Variants in FOXO4 observed in about 807,000 individuals in gnomAD.
FOXO4 encodes the protein forkhead box O4.
FOXO4 carries 3 observed loss-of-function variants against 20.8 expected under a neutral mutation model. The ratio of observed to expected loss-of-function variants is 0.14; its 90% CI spans 0.07 to 0.37. The LOEUF is 0.37. Ranked by LOEUF, FOXO4 falls within the 10% of genes least tolerant of loss-of-function variation. The pLI is 1.00. For missense variants in FOXO4, 309 were observed against 431.9 expected (o/e 0.72, Z 2.52); for synonymous variants, 158 against 180.0 (o/e 0.88, Z 0.98).
rs377425905 is a variant in FOXO4 at position 71,095,930 on chromosome X, G to A, written c.-599G>A. 1.1e-5 allele frequency among the ~76,000 whole-genome samples: 1 copy of A among 91,209 alleles called. No homozygotes were observed. The highest frequency in any genetic ancestry group is 3.9e-5 in the African/African-American group (1 of 25,575). The allele number at this position is 91,209 out of a possible 115,157, so 79.2% of individuals were successfully genotyped here. A position where few individuals can be genotyped will look rare whatever the true frequency, so the allele number is the denominator to read the frequency against. On this transcript the variant is annotated 5_prime_UTR_variant, in exon 1 of 3. Coordinates refer to ENST00000374259, the MANE Select transcript of FOXO4 (RefSeq NM_005938.4). ...TTGGAGCAAAACAAAAGGGAAACCC[G>A]GGGGGCGGGGGGTGGGGGGGGTTGA...
At position 71,096,197 on chromosome X, in the gene FOXO4, CA is replaced by C. The variant is rs761200564; in HGVS notation, c.-330del. On this transcript the variant is annotated 5_prime_UTR_variant, in exon 1 of 3. An upstream open reading frame in the 5' UTR gains an earlier in-frame stop. Coordinates refer to ENST00000374259, the MANE Select transcript of FOXO4 (RefSeq NM_005938.4). ...AAGGAGACGTTCGGTGATGGGAGCG[CA>C]ATATATGAGGGGATACAGTGCCTCA... is the stretch of plus-strand genomic sequence containing the variant. 3.6e-6 allele frequency: 1 copy of C among 277,409 alleles called. No homozygotes were observed. Among genetic ancestry groups the C allele is most frequent in the African/African-American group, 2.8e-5 (1 of 35,793 alleles). 22.9% of individuals were successfully genotyped at this position (277,409 alleles called of 1,213,427 possible).
Position 71,102,136 on chromosome X carries a change from C to G in FOXO4, c.*52C>G. On this transcript the variant is annotated 3_prime_UTR_variant, in exon 3 of 3. Coordinates refer to ENST00000374259, the MANE Select transcript of FOXO4 (RefSeq NM_005938.4). ...CTTCAGATGTGGAGCCAGGCGTGTT[C>G]ATATCTACTCTTTACCCTTGAGCCC... 8.6e-7 allele frequency: 1 copy of G among 1,164,587 alleles called. No homozygotes were observed. The highest frequency in any genetic ancestry group is 1.8e-5 in the South Asian group (1 of 54,697).
intron 1 of FOXO4, chrX:71,099,229 C>A (rs2092224769): frequency 1.8e-5 from 2 of 111,861 alleles, no homozygotes; most frequent in Non-Finnish European, 3.8e-5. Context: ...CCTTGTGTAA[C>A]TAGCCTGCCC....
At position 71,102,192 on chromosome X, in the gene FOXO4, C is replaced by T; in HGVS notation, c.*108C>T. 1 of 816,914 alleles carries T rather than the reference C, an allele frequency of 1.2e-6. No individual in the cohort carries two copies. Among genetic ancestry groups the T allele is most frequent in the Non-Finnish European group, 1.8e-6 (1 of 550,955 alleles). The allele number at this position is 816,914 out of a possible 1,213,427, so 67.3% of individuals were successfully genotyped here. A position where few individuals can be genotyped will look rare whatever the true frequency, so the allele number is the denominator to read the frequency against. On this transcript the variant is annotated 3_prime_UTR_variant, in exon 3 of 3. Coordinates refer to ENST00000374259, the MANE Select transcript of FOXO4 (RefSeq NM_005938.4). ...AGGAATTTGGGACCCTGCTTTAGAGCTAGGGTGGGGTCTGGTCACACACAG... is the reference window on the plus strand; with the variant it reads ...AGGAATTTGGGACCCTGCTTTAGAGTTAGGGTGGGGTCTGGTCACACACAG...
chrX:71,098,429 C>T (rs779024333), intron 1 of FOXO4, among the ~76,000 whole-genome samples: 10 of 111,718 alleles, frequency 9.0e-5, no homozygotes, highest in Non-Finnish European at 1.9e-4. Context: ...GACTTCAAGG[C>T]CCCCCCACCC....
At position 71,100,840 on chromosome X, in the gene FOXO4, C is replaced by G. The variant is rs1041103345; in HGVS notation, c.610C>G (p.Leu204Val). Residue 204 changes from leucine to valine, a missense_variant, in exon 2 of 3, where the codon CTG (leucine) becomes GTG (valine). By Grantham distance (32) the Leu-to-Val change is conservative (BLOSUM62 1). This residue lies in a region of FOXO4 where 223 missense variants were observed against 302.7 expected (regional missense o/e 0.74). Transcript: ENST00000374259. ...CGCCTCCATGGATAGCAGCAGCAAG[C>G]TGCTCCGGGGCCGCAGTAAAGCCCC... Reference protein sequence around the residue: ...RAASMDSSSKLLRGRSKAPKK... With the variant: ...RAASMDSSSKVLRGRSKAPKK... The G allele has an allele frequency of 2.5e-6, 3 of 1,209,460 alleles. No homozygotes were observed. In the African/African-American group the frequency reaches 5.2e-5, roughly 21 times the overall value.
At position 71,101,205 on chromosome X, in the gene FOXO4, T is replaced by C. The variant is rs1382753413; in HGVS notation, c.975T>C (p.Ser325=). The change falls in exon 2 of 3, where the codon TCT becomes TCC. Residue 325 remains serine, a synonymous_variant. Transcript: ENST00000374259. ...SHSLLSRSGL[S]GFSLQHPGVT... ...CCCTGCTATCTCGGAGTGGTCTCTC[T>C]GGCTTCTCTTTGCAGCATCCTGGGG... is the stretch of plus-strand genomic sequence containing the variant. The C allele has an allele frequency of 1.7e-6, 2 of 1,211,728 alleles. No individual in the cohort carries two copies. Among genetic ancestry groups the C allele is most frequent in the Non-Finnish European group, 2.2e-6 (2 of 895,451 alleles).
intron 2 of FOXO4, 127 bp from the exon 3 acceptor site, chrX:71,101,950 A>G (rs1381991577): frequency 3.3e-5 from 27 of 825,901 alleles, no homozygotes; most frequent in Non-Finnish European, 4.6e-5. Flanking sequence ...GCAAGGTAGC[A>G]CAGAAAAGGT....
Position 71,103,447 on chromosome X carries a change from C to T in FOXO4, c.*1363C>T, listed in dbSNP as rs766125604. 2.4e-4 allele frequency: 39 copies of T among 160,480 alleles called. No individual in the cohort carries two copies. The highest frequency in any genetic ancestry group is 4.2e-4 in the Non-Finnish European group (35 of 82,940). 13.2% of individuals were successfully genotyped at this position (160,480 alleles called of 1,213,427 possible). ...ATCATTTCCTGTGTCAGCGCCTGGC[C>T]TACCCAGATTGTATCATGTGCTAGA... is the stretch of plus-strand genomic sequence containing the variant. On this transcript the variant is annotated 3_prime_UTR_variant, in exon 3 of 3. Coordinates refer to ENST00000374259, the MANE Select transcript of FOXO4 (RefSeq NM_005938.4).
In FOXO4 at chrX:71,096,024, G is replaced by A. The variant is rs749754479; in HGVS notation, c.-505G>A. 4.4e-4 allele frequency among the ~76,000 whole-genome samples: 39 copies of A among 89,454 alleles called. No individual in the cohort carries two copies. Among genetic ancestry groups the A allele is most frequent in the African/African-American group, 1.6e-3 (38 of 24,440 alleles). The allele number at this position is 89,454 out of a possible 115,157, so 77.7% of individuals were successfully genotyped here. A position where few individuals can be genotyped will look rare whatever the true frequency, so the allele number is the denominator to read the frequency against. ...ACCCGGACCCTAGTAAGAGTGGCGA[G>A]AAGGGAAGAGGCGGGGGAAGGGGGA... On this transcript the variant is annotated 5_prime_UTR_variant, in exon 1 of 3. Transcript: ENST00000374259.
intron 1 of FOXO4, among the ~76,000 whole-genome samples, chrX:71,098,594 C>T (rs2092223502): frequency 8.9e-6 from 1 of 112,182 alleles, no homozygotes; most frequent in African/African-American, 3.2e-5. Context: ...ACCCTGCCCT[C>T]CAACATGTAA....
At position 71,100,959 on chromosome X, in the gene FOXO4, C is replaced by T; in HGVS notation, c.729C>T (p.Cys243=). ...GHFAKWSGSP[C]SRNREEADMW... is the part of the protein sequence containing the mutation. ...TTGCCAAGTGGTCAGGCAGCCCTTGCTCTCGAAACCGTGAAGAAGCCGATA... is the reference window on the plus strand; with the variant it reads ...TTGCCAAGTGGTCAGGCAGCCCTTGTTCTCGAAACCGTGAAGAAGCCGATA... Residue 243 remains cysteine (C), a synonymous_variant, in exon 2 of 3, where the codon TGC becomes TGT. Transcript: ENST00000374259. 6.6e-6 allele frequency: 8 copies of T among 1,211,142 alleles called. No individual in the cohort carries two copies. Among genetic ancestry groups the T allele is most frequent in the Non-Finnish European group, 8.9e-6 (8 of 895,153 alleles).
chrX:71,100,257 G>A (rs1225064567), intron 1 of FOXO4, among the ~76,000 whole-genome samples: 6 of 105,308 alleles, frequency 5.7e-5, no homozygotes, highest in Admixed American at 5.2e-4. Flanking sequence ...CATCCCCCGT[G>A]CTCTCTGCAG....
rs1284343819 is a variant in FOXO4 at position 71,102,662 on chromosome X, G to T, written c.*578G>T. ...GAAAGGCTTTTTATAAACTTTTAAA[G>T]AAATATAAACACAAATATAGAGATT... On this transcript the variant is annotated 3_prime_UTR_variant, in exon 3 of 3. Coordinates refer to ENST00000374259, the MANE Select transcript of FOXO4 (RefSeq NM_005938.4). The T allele has an allele frequency of 1.2e-5, 2 of 170,926 alleles. No individual in the cohort carries two copies. The highest frequency in any genetic ancestry group is 5.9e-5 in the African/African-American group (2 of 33,737). The allele number at this position is 170,926 out of a possible 1,213,427, so 14.1% of individuals were successfully genotyped here. A position where few individuals can be genotyped will look rare whatever the true frequency, so the allele number is the denominator to read the frequency against.
rs1404518782 is a variant in FOXO4 at position 71,100,459 on chromosome X, C to G, written c.454-225C>G. On this transcript the variant is annotated intron_variant, in intron 1 of 2. Coordinates refer to ENST00000374259, the MANE Select transcript of FOXO4 (RefSeq NM_005938.4). ...GAATACCCCTGCTGTGTTCCAGCAC[C>G]CTTTTATCTTTTATCTTTTTCTCTT... is the stretch of plus-strand genomic sequence containing the variant. 3.7e-5 allele frequency among the ~76,000 whole-genome samples: 4 copies of G among 108,038 alleles called. No individual in the cohort carries two copies. The East Asian group carries it at 1.2e-3, about 31-fold the overall frequency. 93.8% of individuals were successfully genotyped at this position (108,038 alleles called of 115,157 possible).
intron 1 of FOXO4, among the ~76,000 whole-genome samples, chrX:71,098,181 G>A (rs757379136): frequency 2.7e-5 from 3 of 112,239 alleles, no homozygotes; most frequent in East Asian, 5.5e-4. Flanking sequence ...CTACACTTCT[G>A]TGGGGCTTTA....
At position 71,102,123 on chromosome X, in the gene FOXO4, A is replaced by G; in HGVS notation, c.*39A>G. The G allele has an allele frequency of 4.2e-6, 5 of 1,194,933 alleles. No individual in the cohort carries two copies. Among genetic ancestry groups the G allele is most frequent in the South Asian group, 1.8e-5 (1 of 55,848 alleles). On this transcript the variant is annotated 3_prime_UTR_variant, in exon 3 of 3. Coordinates refer to ENST00000374259, the MANE Select transcript of FOXO4 (RefSeq NM_005938.4). ...GCTTTGTCCCCTGCTTCAGATGTGG[A>G]GCCAGGCGTGTTCATATCTACTCTT... is the stretch of plus-strand genomic sequence containing the variant.
intron 1 of FOXO4, among the ~76,000 whole-genome samples, chrX:71,098,428 GC>G (rs1216456463): frequency 1.8e-5 from 2 of 111,649 alleles, no homozygotes; most frequent in South Asian, 3.7e-4. Context: ...GGACTTCAAG[GC>G]CCCCCCACCC....
At position 71,103,336 on chromosome X, in the gene FOXO4, G is replaced by T. The variant is rs2092236887; in HGVS notation, c.*1252G>T. ...GCACCTGCCAGGGAGGCCATCTGGGGCTCCTTCTCCACCCCAGCCCCCAAA... is the reference window on the plus strand; with the variant it reads ...GCACCTGCCAGGGAGGCCATCTGGGTCTCCTTCTCCACCCCAGCCCCCAAA... On this transcript the variant is annotated 3_prime_UTR_variant, in exon 3 of 3. Transcript: ENST00000374259. The T allele has an allele frequency of 6.2e-6, 1 of 162,165 alleles. No homozygotes were observed. The highest frequency in any genetic ancestry group is 1.2e-5 in the Non-Finnish European group (1 of 84,414). The allele number at this position is 162,165 out of a possible 1,213,427, so 13.4% of individuals were successfully genotyped here.
Sources: gnomAD v4.1 joint callset for allele counts (sites outside exome capture counted in the v4.1 genomes callset) on GRCh38, gnomAD v4.1.1 for gene constraint, gnomAD v4.1.1 regional missense constraint, MANE v1.5 for transcripts, NCBI Gene and HGNC (gene_info 2026-07-23, HGNC 2026-07-21) for gene names.